Variants in ATP6V0E1 observed in about 807,000 individuals in gnomAD.
ATP6V0E1 encodes the protein V-type proton ATPase subunit e 1.
A neutral mutation model predicts 11.6 loss-of-function variants in ATP6V0E1; 4 were observed. The observed-to-expected ratio is 0.35, with a 90% CI of 0.17 to 0.79. ATP6V0E1 has a LOEUF of 0.79. Among genes scored for constraint, ATP6V0E1 ranks in the 30% least tolerant of loss-of-function variants. ATP6V0E1 has a pLI of 0.54. For synonymous variants in ATP6V0E1, 36 were observed against 34.8 expected, an observed-to-expected ratio of 1.04 and a Z score of -0.13; for missense variants, 105 against 100.0, an observed-to-expected ratio of 1.05 and a Z score of -0.21.
chr5:172,998,272 G>C (rs1198342181), intron 2 of ATP6V0E1, among the ~76,000 whole-genome samples: 1 of 146,502 alleles, frequency 6.8e-6, no homozygotes, highest in Non-Finnish European at 1.5e-5. Flanking sequence ...TGGAACACAG[G>C]TTGCATGTGG....
chr5:173,005,980 A>C (rs1489460603), intron 2 of ATP6V0E1, among the ~76,000 whole-genome samples: 1 of 152,168 alleles, frequency 6.6e-6, no homozygotes, highest in Non-Finnish European at 1.5e-5. Context: ...CTAAGATTTC[A>C]GTCTTTTGAG....
chr5:173,020,458 G>A (rs1343615267), intron 3 of ATP6V0E1, 91 bp downstream of exon 3: 5 of 727,054 alleles, frequency 6.9e-6, no homozygotes, highest in Non-Finnish European at 1.2e-5. Flanking sequence ...ATTTTAACAC[G>A]TGGCAAGGGC....
chr5:173,023,431 G>A (rs1756513613), intron 3 of ATP6V0E1, among the ~76,000 whole-genome samples: 1 of 152,180 alleles, frequency 6.6e-6, no homozygotes, highest in Admixed American at 6.5e-5. Context: ...CCTGACCTCA[G>A]GTGATCCACC....
At chr5:172,985,040 A>C (rs938228143) in intron 1 of ATP6V0E1, among the ~76,000 whole-genome samples, 1 of 152,136 alleles carries the variant, frequency 6.6e-6, no homozygotes, top group South Asian at 2.1e-4. Flanking sequence ...AGGTCAGGAG[A>C]TCGAGACCAT....
intron 1 of ATP6V0E1, among the ~76,000 whole-genome samples, chr5:172,990,089 C>T (rs1755957785): frequency 6.6e-6 from 1 of 152,146 alleles, no homozygotes; most frequent in Non-Finnish European, 1.5e-5. Context: ...CCTCCCACCT[C>T]AGCCAACCAA....
chr5:173,014,856 C>T (rs1302518571), intron 2 of ATP6V0E1, among the ~76,000 whole-genome samples: 1 of 152,052 alleles, frequency 6.6e-6, no homozygotes, highest in Non-Finnish European at 1.5e-5. Flanking sequence ...CTATACTCAG[C>T]AACAGTACTT....
intron 2 of ATP6V0E1, among the ~76,000 whole-genome samples, chr5:173,017,042 A>G (rs1055140330): frequency 6.6e-6 from 1 of 152,126 alleles, no homozygotes; most frequent in Non-Finnish European, 1.5e-5. Context: ...TTCTCCAGCA[A>G]TCTCTCCATT....
intron 2 of ATP6V0E1, among the ~76,000 whole-genome samples, chr5:173,015,798 C>G (rs1756390328): frequency 1.3e-5 from 2 of 152,338 alleles, no homozygotes; most frequent in Middle Eastern, 3.4e-3. Flanking sequence ...GCGACCTTGG[C>G]TCACTGCAAC....
intron 2 of ATP6V0E1, among the ~76,000 whole-genome samples, chr5:173,001,827 T>C (rs1470591266): frequency 6.6e-6 from 1 of 151,916 alleles, no homozygotes; most frequent in Non-Finnish European, 1.5e-5. Flanking sequence ...CAAGTGATTC[T>C]CTTGCCTCAG....
At chr5:173,017,856 A>G (rs796164077) in intron 2 of ATP6V0E1, among the ~76,000 whole-genome samples, 69 of 146,266 alleles carry the variant, frequency 4.7e-4, no homozygotes, top group African/African-American at 9.8e-4. Flanking sequence ...AAAAAAAAAA[A>G]AAAAGAAAAG....
chr5:173,027,677 C>T (rs959169779), intron 3 of ATP6V0E1, among the ~76,000 whole-genome samples: 1 of 152,000 alleles, frequency 6.6e-6, no homozygotes, highest in Non-Finnish European at 1.5e-5. Context: ...TGGTCTTGAT[C>T]TCCTGGCCTC....
chr5:173,006,002 T>C lies in ATP6V0E1; in HGVS notation c.152+11180T>C, dbSNP rs532202866. ...TTCAGTCTTTTGAGATTGGGACTTA[T>C]TTTATGCGTGTGGACTATCTTGACA... On this transcript the variant is annotated intron_variant, in intron 2 of 3. Coordinates refer to ENST00000519374, the MANE Select transcript of ATP6V0E1 (RefSeq NM_003945.4). 3.3e-5 allele frequency among the ~76,000 whole-genome samples: 5 copies of C among 152,296 alleles called. No homozygotes were observed. The South Asian group carries it at 8.3e-4, about 25-fold the overall frequency.
intron 2 of ATP6V0E1, among the ~76,000 whole-genome samples, chr5:173,000,403 ATTG>A (rs1756134645): frequency 1.3e-5 from 2 of 152,180 alleles, no homozygotes; most frequent in African/African-American, 4.8e-5. Flanking sequence ...GTTGAATTAT[ATTG>A]TTGTTTACTC....
At chr5:173,021,073 T>C (rs476510) in intron 3 of ATP6V0E1, 87,135 of 373,620 alleles carry the variant, frequency 0.23, 13,853 homozygotes, top group African/African-American at 0.56. Flanking sequence ...ATGACACCCG[T>C]ATCTGTTTGG....
At chr5:173,021,800 G>A (rs1002783994) in intron 3 of ATP6V0E1, among the ~76,000 whole-genome samples, 2 of 152,220 alleles carry the variant, frequency 1.3e-5, no homozygotes, top group African/African-American at 4.8e-5. Flanking sequence ...TGTAATCCCA[G>A]CACTTTGGGA....
chr5:172,996,352 T>C (rs1756066604), intron 2 of ATP6V0E1, among the ~76,000 whole-genome samples: 1 of 151,618 alleles, frequency 6.6e-6, no homozygotes, highest in South Asian at 2.1e-4. Context: ...CAGGTCAGGA[T>C]ATTGAGACCA....
At chr5:173,006,502 C>G (rs978285602) in intron 2 of ATP6V0E1, among the ~76,000 whole-genome samples, 1 of 151,952 alleles carries the variant, frequency 6.6e-6, no homozygotes, top group Non-Finnish European at 1.5e-5. Flanking sequence ...CCCAGCGACT[C>G]GGGAGGCTGA....
intron 1 of ATP6V0E1, among the ~76,000 whole-genome samples, chr5:172,988,771 C>T (rs895863847): frequency 6.6e-5 from 10 of 152,162 alleles, no homozygotes; most frequent in Admixed American, 2.6e-4. Flanking sequence ...TCACTGAAAC[C>T]TCCACCTCCC....
chr5:173,016,418 ACT>A (rs1267108746), intron 2 of ATP6V0E1, among the ~76,000 whole-genome samples: 1 of 152,142 alleles, frequency 6.6e-6, no homozygotes, highest in East Asian at 1.9e-4. Flanking sequence ...TGTTTTTTCC[ACT>A]CTCAGAAATA....
Sources: gnomAD v4.1 joint callset for allele counts (sites outside exome capture counted in the v4.1 genomes callset) on GRCh38, gnomAD v4.1.1 for gene constraint, MANE v1.5 for transcripts, NCBI Gene and HGNC (gene_info 2026-07-23, HGNC 2026-07-21) for gene names.